Variants in SELENOS observed in about 807,000 individuals in gnomAD.
SELENOS encodes selenoprotein S.
Under a neutral mutation model 30.2 loss-of-function variants are expected in SELENOS, and 37 were observed. That is an observed-to-expected ratio of 1.23 (90% CI 0.94 to 1.61). The LOEUF is 1.61. Among genes scored for constraint, SELENOS ranks in the 40% most tolerant of loss-of-function variants. The pLI is 0.00. For missense variants in SELENOS, 289 were observed against 231.8 expected, an observed-to-expected ratio of 1.25 and a Z score of -1.60; for synonymous variants, 119 against 91.6, an observed-to-expected ratio of 1.30 and a Z score of -1.71.
At chr15:101,274,150 T>C (rs2039297856) in intron 5 of SELENOS, 1 of 522,632 alleles carries the variant, frequency 1.9e-6, no homozygotes, top group Non-Finnish European at 3.4e-6. Context: ...GACACTCATC[T>C]GAAGATTGGC....
At chr15:101,277,310 G>T in intron 1 of SELENOS, 32 bp downstream of exon 1, 1 of 1,504,570 alleles carries the variant, frequency 6.6e-7, no homozygotes, top group Non-Finnish European at 8.8e-7. Context: ...CAAAAGTGGC[G>T]GCGCGCGCCC....
At chr15:101,276,723 T>C (rs1241374036) in intron 1 of SELENOS, 48 bp from the exon 2 acceptor site, 1 of 1,584,880 alleles carries the variant, frequency 6.3e-7, no homozygotes, top group South Asian at 1.2e-5. Context: ...CACTACTAGT[T>C]GACCTTTCCA....
intron 1 of SELENOS, chr15:101,277,050 A>T (rs959587778): frequency 3.3e-6 from 2 of 609,748 alleles, no homozygotes; most frequent in African/African-American, 1.9e-5. Context: ...GACGGGTCCC[A>T]GAGGCAAACG....
intron 2 of SELENOS, among the ~76,000 whole-genome samples, chr15:101,275,905 A>C (rs1596466050): frequency 6.8e-6 from 1 of 146,400 alleles, no homozygotes; most frequent in Non-Finnish European, 1.5e-5. Flanking sequence ...ACAAGGCTAG[A>C]CTCCATCTCA....
rs1166330251 is a variant in SELENOS, at chr15:101,277,444, C to CCTG, written c.-30_-28dup. The CCTG allele has an allele frequency of 2.8e-6, 4 of 1,429,556 alleles. No homozygotes were observed. The highest frequency in any genetic ancestry group is 3.6e-6 in the Non-Finnish European group (4 of 1,100,674). 88.6% of individuals were successfully genotyped at this position (1,429,556 alleles called of 1,614,324 possible). A position where few individuals can be genotyped will look rare whatever the true frequency, so the allele number is the denominator to read the frequency against. On this transcript the variant is annotated 5_prime_UTR_variant, in exon 1 of 6. Coordinates refer to ENST00000526049, the MANE Select transcript of SELENOS (RefSeq NM_018445.6). ...ACCGCCGCCGCCGCCGCCGCCCAGC[C>CCTG]CTGCCGCCGCGCCTCCAGCCGGGCG... is the stretch of plus-strand genomic sequence containing the variant.
At chr15:101,276,789 G>T in intron 1 of SELENOS, 114 bp from the exon 2 acceptor site, 1 of 1,336,192 alleles carries the variant, frequency 7.5e-7, no homozygotes, top group Non-Finnish European at 1.0e-6. Context: ...CATGGTCTAG[G>T]CTGAGGAAAA....
chr15:101,275,682 C>CA (rs2039318160), intron 2 of SELENOS, among the ~76,000 whole-genome samples: 1 of 152,166 alleles, frequency 6.6e-6, no homozygotes, highest in Non-Finnish European at 1.5e-5. Flanking sequence ...TTGGATACCT[C>CA]AGTGACACCC....
In SELENOS at chr15:101,276,592, G is replaced by T. The variant is rs370753066; in HGVS notation, c.160C>A (p.Arg54=). The stretch of plus-strand genomic sequence containing the variant: ...TGCCTCTGCCTCAAGGCTCTTAGCC[G>T]GGCGGAAAGCTTCTGAAAGACCACG... ...LYVVFQKLSA[R]LRALRQRQLD... The change falls in exon 2 of 6, where the codon CGG becomes AGG. Residue 54 remains arginine (R), a synonymous_variant. Coordinates refer to ENST00000526049, the MANE Select transcript of SELENOS (RefSeq NM_018445.6). 3.1e-6 allele frequency: 5 copies of T among 1,613,758 alleles called. No individual in the cohort carries two copies. The highest frequency in any genetic ancestry group is 3.3e-5 in the Admixed American group (2 of 60,004).
At chr15:101,276,025 G>A (rs766267129) in intron 2 of SELENOS, among the ~76,000 whole-genome samples, 13 of 151,616 alleles carry the variant, frequency 8.6e-5, no homozygotes, top group Non-Finnish European at 1.6e-4. Context: ...AGGTTCAAGC[G>A]ATTTCTCCTG....
At chr15:101,277,305 G>A (rs939129179) in intron 1 of SELENOS, 37 bp downstream of exon 1, 2 of 1,502,858 alleles carry the variant, frequency 1.3e-6, no homozygotes. Flanking sequence ...CGTCGCAAAA[G>A]TGGCGGCGCG....
chr15:101,274,992 C>G (rs1477210646), intron 3 of SELENOS: 1 of 568,080 alleles, frequency 1.8e-6, no homozygotes, highest in East Asian at 3.0e-5. Context: ...CACACACACT[C>G]ACATGCTCCC....
intron 5 of SELENOS, 35 bp downstream of exon 5, chr15:101,274,385 A>G (rs2039299847): frequency 6.3e-7 from 1 of 1,582,634 alleles, no homozygotes; most frequent in African/African-American, 1.3e-5. Context: ...GTAAGTGTTG[A>G]AAATCTGTTA....
intron 5 of SELENOS, among the ~76,000 whole-genome samples, chr15:101,273,145 G>A (rs1051372360): frequency 6.6e-6 from 1 of 152,126 alleles, no homozygotes; most frequent in Non-Finnish European, 1.5e-5. Context: ...AAGAGGGCCT[G>A]ATTTAAGTAT....
At chr15:101,273,022 C>T (rs546246463) in intron 5 of SELENOS, among the ~76,000 whole-genome samples, 166 bp from the exon 6 acceptor site, 1 of 150,532 alleles carries the variant, frequency 6.6e-6, no homozygotes, top group Admixed American at 6.6e-5. Flanking sequence ...AAAAAAAAAA[C>T]CTTTATATTG....
intron 1 of SELENOS, chr15:101,277,051 G>A (rs1212905980): frequency 3.3e-6 from 2 of 613,858 alleles, no homozygotes; most frequent in Non-Finnish European, 5.9e-6. Context: ...ACGGGTCCCA[G>A]AGGCAAACGC....
chr15:101,272,860 G>T lies in SELENOS; in HGVS notation c.485-4C>A. ...TCACCAGACAACGGGTTATAACCTG[G>T]GAGGACAGAAAAGCAGCACAACAGT... On this transcript the variant is annotated splice_polypyrimidine_tract_variant and splice_region_variant and intron_variant, in intron 5 of 5. Transcript: ENST00000526049. The T allele has an allele frequency of 6.2e-7, 1 of 1,602,784 alleles. No individual in the cohort carries two copies. The highest frequency in any genetic ancestry group is 8.5e-7 in the Non-Finnish European group (1 of 1,174,700).
downstream of SELENOS, among the ~76,000 whole-genome samples, chr15:101,271,984 A>G (rs1268248049): frequency 6.6e-6 from 1 of 152,214 alleles, no homozygotes; most frequent in Non-Finnish European, 1.5e-5. Context: ...AATAACTGAG[A>G]GGTCACGTAG....
chr15:101,274,598 C>T lies in SELENOS; in HGVS notation c.402G>A (p.Lys134=), dbSNP rs752360536. Residue 134 remains lysine, a synonymous_variant, in exon 4 of 6, where the codon AAG becomes AAA. Coordinates refer to ENST00000526049, the MANE Select transcript of SELENOS (RefSeq NM_018445.6). ...EGKSYKGNAK[K]PQEEDSPGPS... ...GGCCGAGGTCTCCAGTCACCTGGGG[C>T]TTCTTTGCATTTCCTTTGTAACTTT... The T allele has an allele frequency of 6.2e-7, 1 of 1,613,614 alleles. No homozygotes were observed. Among genetic ancestry groups the T allele is most frequent in the East Asian group, 2.2e-5 (1 of 44,894 alleles).
chr15:101,273,004 A>G, intron 5 of SELENOS, 148 bp from the exon 6 acceptor site: 1 of 610,226 alleles, frequency 1.6e-6, no homozygotes, highest in Non-Finnish European at 2.7e-6. Context: ...CCTTTTAGCT[A>G]TGTGAAAAAA....
Sources: gnomAD v4.1 joint callset for allele counts (sites outside exome capture counted in the v4.1 genomes callset) on GRCh38, gnomAD v4.1.1 for gene constraint, MANE v1.5 for transcripts, NCBI Gene and HGNC (gene_info 2026-07-23, HGNC 2026-07-21) for gene names.